The following RCSD1 variants were observed in gnomAD, a reference collection of about 807,000 sequenced individuals.
RCSD1 encodes the protein capZ-interacting protein.
Under a neutral mutation model 42.5 loss-of-function variants are expected in RCSD1, and 26 were observed. That is an observed-to-expected ratio of 0.61 (90% CI 0.45 to 0.85). RCSD1 has a LOEUF of 0.85. RCSD1 is among the 40% of genes least tolerant of loss of function. RCSD1 has a pLI of 0.00. For missense variants in RCSD1, 571 were observed against 528.3 expected (o/e 1.08, Z -0.79); for synonymous variants, 220 against 212.2 (o/e 1.04, Z -0.32).
intron 4 of RCSD1, 48 bp from the exon 5 acceptor site, chr1:167,694,051 T>G: frequency 6.3e-7 from 1 of 1,589,432 alleles, no homozygotes; most frequent in Non-Finnish European, 8.6e-7. Flanking sequence ...GTAGAGGCTC[T>G]GATCTTCTCC....
intron 3 of RCSD1, among the ~76,000 whole-genome samples, chr1:167,687,421 G>A (rs954032357): frequency 1.3e-5 from 2 of 152,036 alleles, no homozygotes; most frequent in Admixed American, 1.3e-4. Flanking sequence ...TACTCGAGAG[G>A]CTTAGGCAGG....
At chr1:167,650,849 C>A (rs1229946985) in intron 1 of RCSD1, among the ~76,000 whole-genome samples, 1 of 152,178 alleles carries the variant, frequency 6.6e-6, no homozygotes, top group African/African-American at 2.4e-5. Context: ...AGCAGCTTCC[C>A]CGAGGCCAAG....
intron 1 of RCSD1, among the ~76,000 whole-genome samples, chr1:167,644,255 C>T (rs1489873574): frequency 1.3e-5 from 2 of 151,998 alleles, no homozygotes; most frequent in African/African-American, 2.4e-5. Context: ...CGAGGCAGGC[C>T]GATCACCTGA....
At chr1:167,692,930 A>G (rs1259187208) in intron 4 of RCSD1, among the ~76,000 whole-genome samples, 2 of 151,994 alleles carry the variant, frequency 1.3e-5, no homozygotes, top group Non-Finnish European at 2.9e-5. Context: ...GGGTGTGAGT[A>G]TGGGGCAGGA....
At chr1:167,634,579 C>T (rs1457633526) in intron 1 of RCSD1, among the ~76,000 whole-genome samples, 2 of 152,120 alleles carry the variant, frequency 1.3e-5, no homozygotes, top group African/African-American at 4.8e-5. Context: ...TATGATGTCA[C>T]ATTTAAGTTA....
chr1:167,688,673 C>T (rs548742861), intron 3 of RCSD1, among the ~76,000 whole-genome samples: 2 of 152,302 alleles, frequency 1.3e-5, no homozygotes, highest in African/African-American at 4.8e-5. Flanking sequence ...AAAAAGATCA[C>T]GAGGAGTTCA....
intron 1 of RCSD1, chr1:167,638,437 T>C (rs1657913336): frequency 6.6e-6 from 1 of 152,264 alleles, no homozygotes. Context: ...GCCCAGGGTC[T>C]AGAAGGTAAT....
chr1:167,652,197 T>A (rs1341698506), intron 1 of RCSD1, among the ~76,000 whole-genome samples: 2 of 152,084 alleles, frequency 1.3e-5, no homozygotes, highest in African/African-American at 4.8e-5. Flanking sequence ...AATTTTTGTA[T>A]TTTTAGTAGA....
intron 1 of RCSD1, among the ~76,000 whole-genome samples, chr1:167,669,734 C>T (rs143513901): frequency 3.4e-4 from 52 of 152,286 alleles, no homozygotes; most frequent in African/African-American, 1.1e-3. Flanking sequence ...ACTGATGGTC[C>T]TCTCCTGTCT....
intron 1 of RCSD1, among the ~76,000 whole-genome samples, chr1:167,670,738 C>T (rs577842494): frequency 5.9e-5 from 9 of 152,292 alleles, no homozygotes; most frequent in African/African-American, 2.2e-4. Context: ...TCGGCTCCCC[C>T]TCTCTGTAAA....
intron 1 of RCSD1, among the ~76,000 whole-genome samples, chr1:167,660,730 TC>T (rs1293034328): frequency 6.6e-6 from 1 of 152,184 alleles, no homozygotes; most frequent in African/African-American, 2.4e-5. Context: ...TGACTTGGCC[TC>T]CCAAAGTGCT....
intron 5 of RCSD1, among the ~76,000 whole-genome samples, chr1:167,696,139 C>T (rs969677167): frequency 1.3e-5 from 2 of 151,714 alleles, no homozygotes; most frequent in African/African-American, 2.4e-5. Flanking sequence ...CAGCTCAGCA[C>T]CCCTGAGGTC....
At chr1:167,678,305 A>G (rs1323370296) in intron 1 of RCSD1, among the ~76,000 whole-genome samples, 1 of 152,120 alleles carries the variant, frequency 6.6e-6, no homozygotes, top group African/African-American at 2.4e-5. Flanking sequence ...AACCTCCTGC[A>G]TTGCATCTCC....
chr1:167,695,805 A>C (rs1197845873), intron 5 of RCSD1, among the ~76,000 whole-genome samples: 16 of 152,072 alleles, frequency 1.1e-4, no homozygotes, highest in Non-Finnish European at 2.2e-4. Context: ...ACAGGCGGGC[A>C]CCACCACACC....
At position 167,704,763 on chromosome 1, in the gene RCSD1, T is replaced by C. The variant is rs1659717959; in HGVS notation, c.*67T>C. On this transcript the variant is annotated 3_prime_UTR_variant, in exon 7 of 7. Transcript: ENST00000367854. ...ATCTCTTTGCAGGTAGCAGCAACAGTTGTAGCAGCAGCAGACGAAGCCATT... is the reference window on the plus strand; with the variant it reads ...ATCTCTTTGCAGGTAGCAGCAACAGCTGTAGCAGCAGCAGACGAAGCCATT... 4 of 1,506,562 alleles carry C rather than the reference T, an allele frequency of 2.7e-6. No homozygotes were observed. The highest frequency in any genetic ancestry group is 2.3e-5 in the South Asian group (2 of 87,900). The allele number at this position is 1,506,562 out of a possible 1,614,324, so 93.3% of individuals were successfully genotyped here. A position where few individuals can be genotyped will look rare whatever the true frequency, so the allele number is the denominator to read the frequency against.
At chr1:167,683,030 T>G (rs1267340775) in intron 1 of RCSD1, among the ~76,000 whole-genome samples, 1 of 152,210 alleles carries the variant, frequency 6.6e-6, no homozygotes. Flanking sequence ...ACTTACTCTG[T>G]GTGTCTTGGT....
intron 1 of RCSD1, among the ~76,000 whole-genome samples, chr1:167,649,249 C>T (rs980999674): frequency 1.3e-5 from 2 of 152,112 alleles, no homozygotes; most frequent in Non-Finnish European, 2.9e-5. Context: ...GGACAGTGTG[C>T]AGGATCCAAC....
intron 1 of RCSD1, among the ~76,000 whole-genome samples, chr1:167,678,528 C>T (rs1659004096): frequency 6.6e-6 from 1 of 152,096 alleles, no homozygotes; most frequent in Non-Finnish European, 1.5e-5. Flanking sequence ...TTCCCAGCAG[C>T]CTGACCTTCA....
chr1:167,680,208 A>C (rs956723181), intron 1 of RCSD1, among the ~76,000 whole-genome samples: 2 of 151,972 alleles, frequency 1.3e-5, no homozygotes, highest in African/African-American at 4.8e-5. Context: ...AGTGCAGAAA[A>C]CAGATCTAAG....
Sources: allele counts gnomAD v4.1 joint callset (sites outside exome capture counted in the v4.1 genomes callset), GRCh38; gene constraint gnomAD v4.1.1; transcripts MANE v1.5; gene names NCBI Gene and HGNC (gene_info 2026-07-23, HGNC 2026-07-21).